Variants in LCK observed in about 807,000 individuals in gnomAD.
LCK encodes tyrosine-protein kinase Lck.
LCK carries 14 observed loss-of-function variants against 64.6 expected under a neutral mutation model. The observed-to-expected ratio is 0.22, with a 90% confidence interval of 0.14 to 0.34. The LOEUF (loss-of-function observed/expected upper bound fraction) is 0.34, where lower values mean the gene tolerates loss of function less well. Among genes scored for constraint, LCK ranks in the 10% least tolerant of loss-of-function variants. The pLI, the probability that LCK is intolerant of heterozygous loss-of-function variation, is 1.00. For missense variants in LCK, 434 were observed against 668.1 expected, an observed-to-expected ratio of 0.65 and a Z score of 3.86; for synonymous variants, 277 against 263.6, an observed-to-expected ratio of 1.05 and a Z score of -0.49.
chr1:32,261,463 T>C (rs1008534263), intron 1 of LCK, among the ~76,000 whole-genome samples: 1 of 150,888 alleles, frequency 6.6e-6, no homozygotes, highest in Non-Finnish European at 1.5e-5. Flanking sequence ...CTAGCCAACA[T>C]AGTGAAACCC....
chr1:32,271,213 G>C (rs1467756008), intron 1 of LCK, among the ~76,000 whole-genome samples: 3 of 151,634 alleles, frequency 2.0e-5, no homozygotes, highest in Non-Finnish European at 4.4e-5. Flanking sequence ...ATGTTGCCCA[G>C]GCTAGTCTGG....
At chr1:32,271,266 G>A (rs1444704798) in intron 1 of LCK, among the ~76,000 whole-genome samples, 1 of 152,002 alleles carries the variant, frequency 6.6e-6, no homozygotes, top group Non-Finnish European at 1.5e-5. Context: ...GTCTCCCAAA[G>A]TGCCGCGATT....
intron 1 of LCK, among the ~76,000 whole-genome samples, chr1:32,254,325 C>T (rs1340897304): frequency 6.6e-6 from 1 of 152,082 alleles, no homozygotes; most frequent in Admixed American, 6.6e-5. Flanking sequence ...TCGAAACCAG[C>T]CTGGCCATCA....
At chr1:32,273,018 CTG>C (rs1368004969) in intron 1 of LCK, among the ~76,000 whole-genome samples, 2 of 129,114 alleles carry the variant, frequency 1.5e-5, no homozygotes, top group South Asian at 2.7e-4. Context: ...GTGGGTGTGA[CTG>C]TGTGGGTGTG....
intron 9 of LCK, 111 bp from the exon 10 acceptor site, chr1:32,279,560 A>G: frequency 2.5e-6 from 4 of 1,587,542 alleles, no homozygotes; most frequent in African/African-American, 1.3e-5. Context: ...TCACTCTTCA[A>G]TCTTCCTTTT....
At chr1:32,262,311 G>C (rs979876355) in intron 1 of LCK, among the ~76,000 whole-genome samples, 1 of 143,526 alleles carries the variant, frequency 7.0e-6, no homozygotes, top group Non-Finnish European at 1.5e-5. Context: ...GACCAGCCTG[G>C]CCAACATGGT....
Position 32,267,799 on chromosome 1 carries a change from CA to C in LCK, c.-5-6525del, listed in dbSNP as rs569089852. 3.6e-3 allele frequency among the ~76,000 whole-genome samples: 544 copies of C among 152,214 alleles called. 2 individuals carry two copies. Among genetic ancestry groups the C allele is most frequent in the African/African-American group, 0.012 (480 of 41,516 alleles). Reference sequence around the variant, plus strand: ...ATCCCAGTTACTTGGGAGGCTGAGGCAGGAGAATCACTTGAACCTGGGAGGT... The same window carrying C: ...ATCCCAGTTACTTGGGAGGCTGAGGCGGAGAATCACTTGAACCTGGGAGGT... On this transcript the variant is annotated intron_variant, in intron 1 of 12. Coordinates refer to ENST00000336890, the MANE Select transcript of LCK (RefSeq NM_005356.5).
At chr1:32,283,120 C>T (rs1339114967) in intron 12 of LCK, among the ~76,000 whole-genome samples, 2 of 151,838 alleles carry the variant, frequency 1.3e-5, no homozygotes, top group Non-Finnish European at 2.9e-5. Context: ...GAAACCCCAT[C>T]TCTACTAAAA....
At chr1:32,272,570 C>T in intron 1 of LCK, among the ~76,000 whole-genome samples, 1 of 55,278 alleles carries the variant, frequency 1.8e-5, no homozygotes, top group Non-Finnish European at 3.2e-5. Context: ...GAGACCCTGT[C>T]TCAAGAGAGA....
At chr1:32,262,803 G>C (rs967034267) in intron 1 of LCK, among the ~76,000 whole-genome samples, 2 of 92,152 alleles carry the variant, frequency 2.2e-5, no homozygotes, top group Admixed American at 2.6e-4. Flanking sequence ...TCAGTAAAAA[G>C]AAAATCAAAA....
rs12143349 is a variant in LCK at position 32,280,019 on chromosome 1, C to T, written c.1195+25C>T. ...GGTACGTGTGAGATTTAAGGGTGGTCTGGGCCCTGCAGGGTCTGGCCAAGC... is the reference window on the plus strand; with the variant it reads ...GGTACGTGTGAGATTTAAGGGTGGTTTGGGCCCTGCAGGGTCTGGCCAAGC... On this transcript the variant is annotated intron_variant, in intron 11 of 12. Coordinates refer to ENST00000336890, the MANE Select transcript of LCK (RefSeq NM_005356.5). 1.7e-5 allele frequency: 27 copies of T among 1,613,942 alleles called. No individual in the cohort carries two copies. In the East Asian group the frequency reaches 5.6e-4, roughly 33 times the overall value.
chr1:32,266,642 CTCT>C (rs1248149335), intron 1 of LCK, among the ~76,000 whole-genome samples: 3 of 139,894 alleles, frequency 2.1e-5, no homozygotes, highest in Admixed American at 1.4e-4. Flanking sequence ...CCTCCTCCTC[CTCT>C]TCCTCCTCCC....
chr1:32,284,251 G>GAT (rs149802834), intron 12 of LCK, among the ~76,000 whole-genome samples: 4,885 of 138,378 alleles, frequency 0.035, 115 homozygotes, highest in African/African-American at 0.056. Context: ...TGCTTTCTGT[G>GAT]ATATATATAT....
rs1049079034 is a variant in LCK at position 32,275,547 on chromosome 1, C to G, written c.378-22C>G. On this transcript the variant is annotated intron_variant, in intron 5 of 12. Coordinates refer to ENST00000336890, the MANE Select transcript of LCK (RefSeq NM_005356.5). This position sits in a 1 kb window ranked among gnomAD's most constrained non-coding sequence, Gnocchi z 6.9. ...AGATCCGACGACAGCCGACGGCCTT[C>G]GTTCGCTTCCGCCCTGCACAGCTGG... 6.4e-7 allele frequency: 1 copy of G among 1,559,376 alleles called. No homozygotes were observed. The highest frequency in any genetic ancestry group is 1.4e-5 in the African/African-American group (1 of 73,634).
Position 32,279,857 on chromosome 1 carries a change from C to A in LCK, c.1058C>A (p.Ala353Glu), listed in dbSNP as rs774660942. Residue 353 changes from alanine to glutamate, a missense_variant, in exon 11 of 13, where the codon GCA becomes GAA. Ala to Glu is a moderately radical substitution (Grantham distance 107, BLOSUM62 -1). Around this residue, in one of 2 missense-constraint regions of LCK, gnomAD observed 201 missense variants for 376.9 expected, o/e 0.53. Coordinates refer to ENST00000336890, the MANE Select transcript of LCK (RefSeq NM_005356.5). Reference sequence around the variant, plus strand: ...GGCCTGCAGATTGCAGAAGGCATGGCATTCATTGAAGAGCGGAATTATATT... The same window carrying A: ...GGCCTGCAGATTGCAGAAGGCATGGAATTCATTGAAGAGCGGAATTATATT... ...DMAAQIAEGM[A>E]FIEERNYIHR... 6.2e-7 allele frequency: 1 copy of A among 1,614,202 alleles called. No individual in the cohort carries two copies. Among genetic ancestry groups the A allele is most frequent in the Non-Finnish European group, 8.5e-7 (1 of 1,180,036 alleles).
Position 32,274,307 on chromosome 1 carries a change from C to A in LCK, c.-5-18C>A. 6.2e-7 allele frequency: 1 copy of A among 1,614,022 alleles called. No individual in the cohort carries two copies. The stretch of plus-strand genomic sequence containing the variant: ...GATCTTGGGGGAGCCCCTTCAGCCC[C>A]CTCTTCCATTCCCTCAGGGACCATG... On this transcript the variant is annotated intron_variant, in intron 1 of 12. Transcript: ENST00000336890.
chr1:32,262,002 G>A (rs1222100591), intron 1 of LCK, among the ~76,000 whole-genome samples: 1 of 141,572 alleles, frequency 7.1e-6, no homozygotes, highest in African/African-American at 2.6e-5. Flanking sequence ...AGCCTCCCAA[G>A]TAGCTCAAGT....
chr1:32,255,070 TCCCACTTCTGGGATATG>T (rs2124301400), intron 1 of LCK, among the ~76,000 whole-genome samples: 1 of 152,218 alleles, frequency 6.6e-6, no homozygotes, highest in South Asian at 2.1e-4. Flanking sequence ...CCTCCTCCAA[TCCCACTTCTGGGATATG>T]CCCATCGTGA....
intron 1 of LCK, among the ~76,000 whole-genome samples, chr1:32,257,345 T>G (rs12024981): frequency 0.13 from 19,800 of 151,172 alleles, 2,332 homozygotes; most frequent in African/African-American, 0.29. Context: ...ACCTCCCCAA[T>G]CTCAGGTGAT....
Sources: gnomAD v4.1 joint callset for allele counts (sites outside exome capture counted in the v4.1 genomes callset) on GRCh38, gnomAD v4.1.1 for gene constraint, gnomAD v4.1.1 regional missense constraint, Gnocchi (gnomAD v3.1) non-coding constraint, MANE v1.5 for transcripts, NCBI Gene and HGNC (gene_info 2026-07-23, HGNC 2026-07-21) for gene names.